The following STXBP5L variants were observed in gnomAD, a reference collection of about 807,000 sequenced individuals.
STXBP5L encodes the protein syntaxin binding protein 5L, also known as syntaxin-binding protein 5-like.
Under a neutral mutation model 144.5 loss-of-function variants are expected in STXBP5L, and 65 were observed. The ratio of observed to expected loss-of-function variants is 0.45; its 90% CI spans 0.37 to 0.55. The LOEUF is 0.55. Among genes scored for constraint, STXBP5L ranks in the 20% least tolerant of loss-of-function variants. The probability of loss-of-function intolerance (pLI) is 0.00; values close to 1 mark genes in which losing one functional copy is unlikely to be tolerated. For synonymous variants in STXBP5L, 505 were observed against 469.6 expected, an observed-to-expected ratio of 1.08 and a Z score of -0.97; for missense variants, 1,298 against 1,405.5, an observed-to-expected ratio of 0.92 and a Z score of 1.22.
At chr3:121,188,499 C>CA (rs34216668) in intron 9 of STXBP5L, among the ~76,000 whole-genome samples, 6,008 of 146,930 alleles carry the variant, frequency 0.041, 176 homozygotes, top group Middle Eastern at 0.085. Context: ...AGAGACACAG[C>CA]AAAAAAAAAA....
At chr3:121,084,292 A>T (rs2042386899) in intron 5 of STXBP5L, among the ~76,000 whole-genome samples, 1 of 152,140 alleles carries the variant, frequency 6.6e-6, no homozygotes, top group Non-Finnish European at 1.5e-5. Context: ...GGCTTGCTGC[A>T]CCTATCAACC....
Position 121,030,686 on chromosome 3 carries a change from T to C in STXBP5L, c.288-11014T>C, listed in dbSNP as rs1452038811. Among the ~76,000 whole-genome samples, 11 of 152,036 alleles carry C rather than the reference T, an allele frequency of 7.2e-5. 1 individual carries two copies. In the South Asian group the frequency reaches 1.5e-3, roughly 20 times the overall value. ...CAGTACTTAAAGTATAAAAAACATA[T>C]AAATTCCCAGAATTCCCAGGCCCCA... is the stretch of plus-strand genomic sequence containing the variant. On this transcript the variant is annotated intron_variant, in intron 3 of 26. Transcript: ENST00000471454.
chr3:121,195,668 T>G (rs1421518124), intron 9 of STXBP5L, among the ~76,000 whole-genome samples: 1 of 152,228 alleles, frequency 6.6e-6, no homozygotes, highest in Non-Finnish European at 1.5e-5. Flanking sequence ...TTTTCTGCTT[T>G]AGTAAACTAA....
chr3:121,018,433 T>C (rs1266641271), intron 3 of STXBP5L, among the ~76,000 whole-genome samples: 3 of 148,874 alleles, frequency 2.0e-5, no homozygotes, highest in Non-Finnish European at 4.4e-5. Context: ...TACAATCAAC[T>C]AATCTTTGAC....
rs115691178 is a variant in STXBP5L, at chr3:121,256,820, G to T, written c.1660-341G>T. ...CTTTTATTTTATCATATATCAAATT[G>T]TAATATATAAATTGTAATTTATACT... On this transcript the variant is annotated intron_variant, in intron 16 of 26. Coordinates refer to ENST00000471454, the MANE Select transcript of STXBP5L (RefSeq NM_001308330.2). Among the ~76,000 whole-genome samples, 316 of 151,328 alleles carry T rather than the reference G, an allele frequency of 2.1e-3. 2 individuals are homozygous for T. Among genetic ancestry groups the T allele is most frequent in the African/African-American group, 7.1e-3 (295 of 41,386 alleles).
chr3:121,290,904 G>A (rs1379991745), intron 19 of STXBP5L, among the ~76,000 whole-genome samples: 1 of 151,964 alleles, frequency 6.6e-6, no homozygotes, highest in Non-Finnish European at 1.5e-5. Flanking sequence ...ACAACTAAGG[G>A]TAATAAAAGC....
rs535126835 is a variant in STXBP5L, at chr3:120,996,852, CATGG to C, written c.287+41816_287+41819del. 3.0e-4 allele frequency among the ~76,000 whole-genome samples: 45 copies of C among 152,228 alleles called. 1 individual carries two copies. In the South Asian group the frequency reaches 8.3e-3, roughly 28 times the overall value. The stretch of plus-strand genomic sequence containing the variant: ...GGGGGGTACATGTTCAGGTTTGTTA[CATGG>C]GTAAATTGCATGTCATGGGGATTTG... On this transcript the variant is annotated intron_variant, in intron 3 of 26. Coordinates refer to ENST00000471454, the MANE Select transcript of STXBP5L (RefSeq NM_001308330.2).
intron 20 of STXBP5L, among the ~76,000 whole-genome samples, chr3:121,346,541 T>C (rs1295516962): frequency 6.6e-6 from 1 of 152,176 alleles, no homozygotes; most frequent in Non-Finnish European, 1.5e-5. Flanking sequence ...TCTTCCACAA[T>C]GGTTGAACTA....
At chr3:121,384,033 C>A (rs916295435) in intron 22 of STXBP5L, among the ~76,000 whole-genome samples, 1 of 152,046 alleles carries the variant, frequency 6.6e-6, no homozygotes, top group Non-Finnish European at 1.5e-5. Flanking sequence ...TTTTGTTAGT[C>A]GGCCTAGGAA....
chr3:121,083,397 C>G (rs1293319569), intron 5 of STXBP5L, among the ~76,000 whole-genome samples: 1 of 152,040 alleles, frequency 6.6e-6, no homozygotes, highest in Admixed American at 6.5e-5. Flanking sequence ...TGCAGTGGCT[C>G]ACGCCTGTAA....
At chr3:121,313,612 C>CA (rs1377688465) in intron 19 of STXBP5L, among the ~76,000 whole-genome samples, 5 of 99,286 alleles carry the variant, frequency 5.0e-5, no homozygotes, top group African/African-American at 2.0e-4. Context: ...GCCGACCCCC[C>CA]CCCCCGCCTC....
At chr3:121,192,096 TA>T (rs1321189471) in intron 9 of STXBP5L, among the ~76,000 whole-genome samples, 2 of 151,704 alleles carry the variant, frequency 1.3e-5, no homozygotes, top group Non-Finnish European at 2.9e-5. Context: ...AAAGTATAAT[TA>T]AAAAAAGCTG....
At chr3:121,277,842 A>C (rs1294986439) in intron 18 of STXBP5L, among the ~76,000 whole-genome samples, 1 of 152,050 alleles carries the variant, frequency 6.6e-6, no homozygotes, top group East Asian at 1.9e-4. Flanking sequence ...TCCATGTATT[A>C]GGAGAGCTCT....
chr3:121,345,534 T>C (rs999304466), intron 20 of STXBP5L, among the ~76,000 whole-genome samples: 4 of 152,124 alleles, frequency 2.6e-5, no homozygotes, highest in Non-Finnish European at 4.4e-5. Context: ...AGTAATGGGA[T>C]TGCTGGGTCA....
intron 5 of STXBP5L, among the ~76,000 whole-genome samples, chr3:121,102,799 G>T (rs766999125): frequency 6.6e-5 from 10 of 152,090 alleles, no homozygotes; most frequent in Middle Eastern, 6.8e-3. Context: ...TACAAACTAT[G>T]CATCAAACAA....
At chr3:121,084,428 G>C (rs1365237299) in intron 5 of STXBP5L, among the ~76,000 whole-genome samples, 4 of 151,974 alleles carry the variant, frequency 2.6e-5, no homozygotes, top group Non-Finnish European at 5.9e-5. Flanking sequence ...TCATTGTTCA[G>C]CTCCCACTTA....
intron 3 of STXBP5L, among the ~76,000 whole-genome samples, chr3:120,967,542 A>AT (rs1438357069): frequency 6.6e-6 from 1 of 151,738 alleles, no homozygotes; most frequent in African/African-American, 2.4e-5. Flanking sequence ...AATTTCGTTT[A>AT]TTTTTTCAAA....
chr3:121,006,958 C>T (rs892295178), intron 3 of STXBP5L, among the ~76,000 whole-genome samples: 2 of 152,124 alleles, frequency 1.3e-5, no homozygotes, highest in African/African-American at 4.8e-5. Flanking sequence ...GGTAACCCGA[C>T]CTTTGTCTCT....
chr3:121,388,384 C>A lies in STXBP5L; in HGVS notation c.2587+6852C>A, dbSNP rs145082375. On this transcript the variant is annotated intron_variant, in intron 22 of 26. Transcript: ENST00000471454. ...TTCCTTTTTTCCTAATTGAATACCC[C>A]CTATTTCTTTCTCTTGCCGGATTGC... 4.2e-3 allele frequency among the ~76,000 whole-genome samples: 646 copies of A among 152,152 alleles called. 5 individuals are homozygous for A. The highest frequency in any genetic ancestry group is 0.015 in the African/African-American group (616 of 41,514).
Sources: allele counts gnomAD v4.1 joint callset (sites outside exome capture counted in the v4.1 genomes callset), GRCh38; gene constraint gnomAD v4.1.1; transcripts MANE v1.5; gene names NCBI Gene and HGNC (gene_info 2026-07-23, HGNC 2026-07-21).